The following CADPS variants were observed in gnomAD, a reference collection of about 807,000 sequenced individuals.
CADPS encodes calcium dependent secretion activator, also known as calcium-dependent secretion activator 1.
CADPS carries 57 observed loss-of-function variants against 167.3 expected under a neutral mutation model. The observed-to-expected ratio is 0.34, with a 90% CI of 0.28 to 0.42. The LOEUF (loss-of-function observed/expected upper bound fraction) is 0.42, where lower values mean the gene tolerates loss of function less well. Ranked by LOEUF, CADPS falls within the 20% of genes least tolerant of loss-of-function variation. CADPS has a pLI of 1.00. For synonymous variants in CADPS, 676 were observed against 635.3 expected, an observed-to-expected ratio of 1.06 and a Z score of -0.96; for missense variants, 1,414 against 1,738.1, an observed-to-expected ratio of 0.81 and a Z score of 3.32.
intron 28 of CADPS, among the ~76,000 whole-genome samples, chr3:62,411,922 A>T (rs2049035388): frequency 6.6e-6 from 1 of 152,186 alleles, no homozygotes; most frequent in Non-Finnish European, 1.5e-5. Flanking sequence ...GCCTTACTTG[A>T]GTGTTGCTAT....
At chr3:62,735,432 T>G (rs1265852544) in intron 3 of CADPS, among the ~76,000 whole-genome samples, 1 of 152,192 alleles carries the variant, frequency 6.6e-6, no homozygotes, top group Non-Finnish European at 1.5e-5. Context: ...CTACATTTAT[T>G]CATTAACCTG....
At chr3:62,756,909 A>G (rs2084061748) in intron 2 of CADPS, among the ~76,000 whole-genome samples, 1 of 151,998 alleles carries the variant, frequency 6.6e-6, no homozygotes, top group Non-Finnish European at 1.5e-5. Context: ...AGGAGGAGGT[A>G]TTCAGGAGGA....
At chr3:62,402,245 G>GGC (rs1706589002) in intron 29 of CADPS, among the ~76,000 whole-genome samples, 1 of 136,106 alleles carries the variant, frequency 7.3e-6, no homozygotes, top group East Asian at 2.6e-4. Context: ...GGGGCGGGGG[G>GGC]GGGGGGTGCC....
intron 6 of CADPS, among the ~76,000 whole-genome samples, chr3:62,641,467 C>T (rs1386828433): frequency 6.6e-6 from 1 of 152,130 alleles, no homozygotes; most frequent in Non-Finnish European, 1.5e-5. Context: ...AGAGCAAGAA[C>T]AGCCCTCTGC....
chr3:62,773,411 G>T (rs192166951), intron 1 of CADPS, among the ~76,000 whole-genome samples: 1 of 151,874 alleles, frequency 6.6e-6, no homozygotes, highest in East Asian at 1.9e-4. Flanking sequence ...ACTTTATCAC[G>T]GCAAAATATA....
intron 6 of CADPS, among the ~76,000 whole-genome samples, chr3:62,629,171 A>C (rs186272750): frequency 6.6e-6 from 1 of 152,264 alleles, no homozygotes; most frequent in Non-Finnish European, 1.5e-5. Context: ...TAAGTGTATA[A>C]TTCAATGACT....
chr3:62,595,215 A>G (rs2058739340), intron 6 of CADPS, among the ~76,000 whole-genome samples: 2 of 152,182 alleles, frequency 1.3e-5, no homozygotes, highest in Non-Finnish European at 2.9e-5. Context: ...AAAGCACAAC[A>G]GTCATAGTAG....
chr3:62,507,654 G>A (rs1275748729), intron 17 of CADPS, among the ~76,000 whole-genome samples: 1 of 152,132 alleles, frequency 6.6e-6, no homozygotes, highest in Non-Finnish European at 1.5e-5. Flanking sequence ...AGCTTGTTAA[G>A]AATGCATATT....
rs1014383574 is a variant in CADPS, at chr3:62,601,021, G to A, written c.1326-8273C>T. ...AGGATATGTAGGACATAAGCTATTG[G>A]ATATGTGGTGTTTACCTCAATACGT... is the stretch of plus-strand genomic sequence containing the variant. On this transcript the variant is annotated intron_variant, in intron 6 of 29. Transcript: ENST00000383710. This position sits in a 1 kb window ranked among gnomAD's most constrained non-coding sequence, Gnocchi z 4.3. Among the ~76,000 whole-genome samples, 9 of 152,134 alleles carry A rather than the reference G, an allele frequency of 5.9e-5. No individual in the cohort carries two copies. Among genetic ancestry groups the A allele is most frequent in the Admixed American group, 3.3e-4 (5 of 15,268 alleles).
chr3:62,657,908 A>G lies in CADPS; in HGVS notation c.969+4406T>C, dbSNP rs1287973374. On this transcript the variant is annotated intron_variant, in intron 4 of 29. Transcript: ENST00000383710. ...AGGGTCCCTACAATATCTTTTCCAG[A>G]TTCTAAAAAAATCAAAATAGAGAGG... is the stretch of plus-strand genomic sequence containing the variant. Among the ~76,000 whole-genome samples the G allele has an allele frequency of 2.5e-4, 38 of 152,134 alleles. 1 individual carries two copies. The highest frequency in any genetic ancestry group is 2.5e-3 in the Admixed American group (38 of 15,260).
intron 13 of CADPS, among the ~76,000 whole-genome samples, chr3:62,522,498 T>C (rs948246925): frequency 6.6e-5 from 10 of 152,132 alleles, no homozygotes; most frequent in African/African-American, 2.4e-4. Flanking sequence ...AACCACTGTG[T>C]CAGTCCTGCT....
chr3:62,663,154 T>A (rs1432516619), intron 3 of CADPS, among the ~76,000 whole-genome samples: 1 of 152,146 alleles, frequency 6.6e-6, no homozygotes, highest in East Asian at 1.9e-4. Context: ...GGACCTATAT[T>A]CAAAACTTTA....
intron 6 of CADPS, among the ~76,000 whole-genome samples, chr3:62,621,477 A>AAT (rs1266878677): frequency 6.6e-6 from 1 of 152,152 alleles, no homozygotes; most frequent in East Asian, 1.9e-4. Context: ...TCTTTTAAGA[A>AAT]ATATATATTA....
chr3:62,701,054 C>T (rs2081294921), intron 3 of CADPS, among the ~76,000 whole-genome samples: 2 of 152,136 alleles, frequency 1.3e-5, no homozygotes, highest in Middle Eastern at 6.8e-3. Context: ...GGGCACCAAT[C>T]CCATTCATGA....
At chr3:62,759,961 A>G (rs2084984795) in intron 2 of CADPS, among the ~76,000 whole-genome samples, 3 of 152,180 alleles carry the variant, frequency 2.0e-5, no homozygotes, top group Non-Finnish European at 4.4e-5. Flanking sequence ...ACCAAAAAGT[A>G]AAGGATTCTG....
chr3:62,643,820 A>T (rs1043196619), intron 6 of CADPS, among the ~76,000 whole-genome samples: 1 of 152,238 alleles, frequency 6.6e-6, no homozygotes, highest in Non-Finnish European at 1.5e-5. Flanking sequence ...TCCCCCATGT[A>T]TCACACATTT....
rs560044976 is a variant in CADPS, at chr3:62,473,870, A to G, written c.3477+303T>C. 2.1e-5 allele frequency: 5 copies of G among 240,912 alleles called. No individual in the cohort carries two copies. In the East Asian group the frequency reaches 4.3e-4, roughly 21 times the overall value. 14.9% of individuals were successfully genotyped at this position (240,912 alleles called of 1,614,324 possible). ...ATGACTTTCATTCTGGCAAACACAG[A>G]TCTGTTCGAGACACCAGCCTAATAA... On this transcript the variant is annotated intron_variant, in intron 24 of 29. Transcript: ENST00000383710.
chr3:62,853,797 C>CAAAAAA (rs34390284), intron 1 of CADPS, among the ~76,000 whole-genome samples: 2 of 151,244 alleles, frequency 1.3e-5, no homozygotes, highest in Non-Finnish European at 2.9e-5. Context: ...CCTGTCTCTA[C>CAAAAAA]AAAAAGTACT....
chr3:62,723,149 A>AT (rs2076122809), intron 3 of CADPS, among the ~76,000 whole-genome samples: 1 of 152,220 alleles, frequency 6.6e-6, no homozygotes, highest in South Asian at 2.1e-4. Flanking sequence ...TATGGGAATA[A>AT]CTTCTTGTAG....
Sources: gnomAD v4.1 joint callset for allele counts (sites outside exome capture counted in the v4.1 genomes callset) on GRCh38, gnomAD v4.1.1 for gene constraint, Gnocchi (gnomAD v3.1) non-coding constraint, MANE v1.5 for transcripts, NCBI Gene and HGNC (gene_info 2026-07-23, HGNC 2026-07-21) for gene names.